The following WDR59 variants were observed in gnomAD, a reference collection of about 807,000 sequenced individuals.
WDR59 encodes the protein GATOR2 complex protein WDR59.
Under a neutral mutation model 131.2 loss-of-function variants are expected in WDR59, and 100 were observed. The ratio of observed to expected loss-of-function variants is 0.76; its 90% CI spans 0.65 to 0.90. The LOEUF (loss-of-function observed/expected upper bound fraction) is 0.90, where lower values mean the gene tolerates loss of function less well. Among genes scored for constraint, WDR59 ranks in the 40% least tolerant of loss-of-function variants. The pLI, the probability that WDR59 is intolerant of heterozygous loss-of-function variation, is 0.00. For missense variants in WDR59, 1,203 were observed against 1,262.2 expected (o/e 0.95, Z 0.71); for synonymous variants, 601 against 466.2 (o/e 1.29, Z -3.72).
chr16:74,939,241 C>T (rs1471039509), intron 7 of WDR59, among the ~76,000 whole-genome samples: 1 of 151,960 alleles, frequency 6.6e-6, no homozygotes, highest in Non-Finnish European at 1.5e-5. Context: ...TTTCCCAGCC[C>T]AAAATTTTTC....
chr16:74,971,496 A>T (rs1406992183), intron 1 of WDR59, among the ~76,000 whole-genome samples: 2 of 132,582 alleles, frequency 1.5e-5, no homozygotes, highest in African/African-American at 3.0e-5. Flanking sequence ...GCAGTGGCGC[A>T]ATCTCGGCTC....
chr16:74,928,258 G>C (rs2031049561), intron 8 of WDR59, among the ~76,000 whole-genome samples: 1 of 147,142 alleles, frequency 6.8e-6, no homozygotes, highest in Admixed American at 7.0e-5. Flanking sequence ...TTGCAGCCCA[G>C]GCTGAAGTAT....
chr16:74,958,885 A>T (rs1340218711), intron 2 of WDR59, among the ~76,000 whole-genome samples: 3 of 151,820 alleles, frequency 2.0e-5, no homozygotes, highest in Non-Finnish European at 4.4e-5. Flanking sequence ...CAACATGGAG[A>T]AACCCCTGAC....
intron 18 of WDR59, among the ~76,000 whole-genome samples, chr16:74,901,860 T>C (rs1283807433): frequency 6.6e-5 from 9 of 137,100 alleles, no homozygotes; most frequent in African/African-American, 1.2e-4. Flanking sequence ...ATCACGCTTA[T>C]GTAATTCCCC....
At chr16:74,958,620 A>AAAAAAAAAAAAAAAAAAAAAAAG (rs1199806175) in intron 2 of WDR59, among the ~76,000 whole-genome samples, 1 of 141,050 alleles carries the variant, frequency 7.1e-6, no homozygotes, top group African/African-American at 2.6e-5. Flanking sequence ...AAAAAAAAAA[A>AAAAAAAAAAAAAAAAAAAAAAAG]CAAGCTAAAT....
At chr16:74,932,078 C>T (rs1013141061) in intron 8 of WDR59, among the ~76,000 whole-genome samples, 4 of 149,212 alleles carry the variant, frequency 2.7e-5, no homozygotes, top group East Asian at 1.9e-4. Context: ...TATATATACA[C>T]ATATATATAT....
At chr16:74,892,302 A>G (rs76124105) in intron 20 of WDR59, among the ~76,000 whole-genome samples, 182 bp downstream of exon 20, 3,339 of 152,314 alleles carry the variant, frequency 0.022, 128 homozygotes, top group African/African-American at 0.074. Context: ...CTGAGCACCA[A>G]AAAGAAAAAA....
chr16:74,912,527 A>C (rs1489787295), intron 13 of WDR59, among the ~76,000 whole-genome samples, 165 bp from the exon 14 acceptor site: 1 of 152,220 alleles, frequency 6.6e-6, no homozygotes, highest in Admixed American at 6.5e-5. Context: ...AAGATTCTTA[A>C]ATTTTCATAC....
Position 74,929,203 on chromosome 16 carries a change from T to C in WDR59, c.652-5200A>G, listed in dbSNP as rs189488933. Among the ~76,000 whole-genome samples, 145 of 152,312 alleles carry C rather than the reference T, an allele frequency of 9.5e-4. 1 individual carries two copies. Among genetic ancestry groups the C allele is most frequent in the African/African-American group, 3.4e-3 (142 of 41,586 alleles). On this transcript the variant is annotated intron_variant, in intron 8 of 25. Coordinates refer to ENST00000262144, the MANE Select transcript of WDR59 (RefSeq NM_030581.4). ...CATTCTCCTGCCTCAGCCTTCCGAA[T>C]AGCTGGGACTACAGGCGCCCGCCAC...
intron 3 of WDR59, among the ~76,000 whole-genome samples, chr16:74,951,951 T>C (rs753215163): frequency 2.4e-4 from 37 of 151,882 alleles, no homozygotes; most frequent in Non-Finnish European, 4.1e-4. Flanking sequence ...CACCCTTCCA[T>C]GACCAAATGC....
At chr16:74,922,748 G>C (rs1396829577) in intron 9 of WDR59, among the ~76,000 whole-genome samples, 1 of 152,174 alleles carries the variant, frequency 6.6e-6, no homozygotes, top group Non-Finnish European at 1.5e-5. Context: ...GCCCCTCCTG[G>C]TAGCACTCTT....
At chr16:74,903,191 G>A (rs746714600) in intron 18 of WDR59, among the ~76,000 whole-genome samples, 3 of 152,114 alleles carry the variant, frequency 2.0e-5, no homozygotes, top group Non-Finnish European at 4.4e-5. Context: ...ATTTCCCACT[G>A]AGCGAGAGAT....
chr16:74,976,994 CCT>C (rs956210940), intron 1 of WDR59, among the ~76,000 whole-genome samples: 1 of 151,986 alleles, frequency 6.6e-6, no homozygotes, highest in Non-Finnish European at 1.5e-5. Flanking sequence ...ATTGCGAGAC[CCT>C]GTCTGAAAAC....
At chr16:74,949,922 G>A (rs562505580) in intron 4 of WDR59, 124 bp from the exon 5 acceptor site, 97 of 882,068 alleles carry the variant, frequency 1.1e-4, no homozygotes, top group African/African-American at 8.6e-4. Flanking sequence ...TCTTAATGTG[G>A]TTTAGGCTGA....
intron 1 of WDR59, among the ~76,000 whole-genome samples, chr16:74,977,095 G>A (rs1214685667): frequency 6.6e-6 from 1 of 151,980 alleles, no homozygotes; most frequent in Admixed American, 6.6e-5. Context: ...ACATAGCTGG[G>A]AGTGGTAACT....
At chr16:74,906,158 C>T (rs1388656464) in intron 17 of WDR59, among the ~76,000 whole-genome samples, 1 of 151,220 alleles carries the variant, frequency 6.6e-6, no homozygotes, top group Non-Finnish European at 1.5e-5. Flanking sequence ...ACTAAAAATA[C>T]AAAAAATTAG....
Position 74,871,436 on chromosome 16 carries a change from T to C in WDR59, c.*2773A>G, listed in dbSNP as rs1964011233. On this transcript the variant is annotated 3_prime_UTR_variant, in exon 26 of 26. Coordinates refer to ENST00000262144, the MANE Select transcript of WDR59 (RefSeq NM_030581.4). ...GCCCGCAACCAGACAACCAACCTGT[T>C]TCCAAACATGAATATTTTAAAATAT... The C allele has an allele frequency of 6.6e-6, 1 of 152,236 alleles. No homozygotes were observed. 9.4% of individuals were successfully genotyped at this position (152,236 alleles called of 1,614,324 possible).
Position 74,909,564 on chromosome 16 carries a change from C to T in WDR59, c.1579G>A (p.Gly527Arg), listed in dbSNP as rs1408871114. The change falls in exon 16 of 26, where the codon GGG (glycine) becomes AGG (arginine). Residue 527 changes from glycine to arginine, a missense_variant. Gly to Arg is a moderately radical substitution (Grantham distance 125). Coordinates refer to ENST00000262144, the MANE Select transcript of WDR59 (RefSeq NM_030581.4). ...PTFARVTTAY[G>R]SYQDANIPFP... ...GGAATGTTGGCGTCCTGGTACGACCCGTAAGCCGTGGTCACCCGCGCAAAC... is the reference window on the plus strand; with the variant it reads ...GGAATGTTGGCGTCCTGGTACGACCTGTAAGCCGTGGTCACCCGCGCAAAC... 6 of 1,610,766 alleles carry T rather than the reference C, an allele frequency of 3.7e-6. No homozygotes were observed. Among genetic ancestry groups the T allele is most frequent in the African/African-American group, 2.7e-5 (2 of 74,752 alleles).
intron 25 of WDR59, among the ~76,000 whole-genome samples, chr16:74,875,129 A>G (rs1303879920): frequency 6.6e-6 from 1 of 152,224 alleles, no homozygotes; most frequent in Admixed American, 6.5e-5. Flanking sequence ...AGCAGAGGGC[A>G]GACTGGCTTT....
Sources: allele counts gnomAD v4.1 joint callset (sites outside exome capture counted in the v4.1 genomes callset), GRCh38; gene constraint gnomAD v4.1.1; transcripts MANE v1.5; gene names NCBI Gene and HGNC (gene_info 2026-07-23, HGNC 2026-07-21).